The following IL4I1 variants were observed in gnomAD, a reference collection of about 807,000 sequenced individuals.
IL4I1 encodes interleukin 4 induced 1, also known as L-amino-acid oxidase.
Under a neutral mutation model 29.7 loss-of-function variants are expected in IL4I1, and 24 were observed. That is an observed-to-expected ratio of 0.81 (90% confidence interval 0.59 to 1.14). The LOEUF (loss-of-function observed/expected upper bound fraction) is 1.14, where lower values mean the gene tolerates loss of function less well. Among genes scored for constraint, IL4I1 ranks in the 50% most tolerant of loss-of-function variants. The pLI is 0.00. For synonymous variants in IL4I1, 371 were observed against 352.5 expected (o/e 1.05, Z -0.59); for missense variants, 686 against 785.6 (o/e 0.87, Z 1.52).
At chr19:49,924,812 T>C (rs992470823) in intron 2 of IL4I1, among the ~76,000 whole-genome samples, 24 of 152,282 alleles carry the variant, frequency 1.6e-4, no homozygotes, top group African/African-American at 5.5e-4. Flanking sequence ...CTGCTAAGTC[T>C]GGCTGGGCTG....
chr19:49,912,675 C>A (rs1440344803), intron 2 of IL4I1, among the ~76,000 whole-genome samples: 3 of 151,998 alleles, frequency 2.0e-5, no homozygotes, highest in African/African-American at 7.2e-5. Context: ...AACAGCCTGG[C>A]CAACATAGCG....
Position 49,893,845 on chromosome 19 carries a change from G to T in IL4I1, c.567+423C>A, listed in dbSNP as rs1197474614. 2.6e-5 allele frequency among the ~76,000 whole-genome samples: 4 copies of T among 151,932 alleles called. No homozygotes were observed. The East Asian group carries it at 5.8e-4, about 22-fold the overall frequency. On this transcript the variant is annotated intron_variant, in intron 5 of 7. Coordinates refer to ENST00000391826, the MANE Select transcript of IL4I1 (RefSeq NM_152899.2). Reference sequence around the variant, plus strand: ...CTATTAAAAATACAAAAATTAGCTGGGCGTGGTGGCGGGCGCCTGTAATCC... The same window carrying T: ...CTATTAAAAATACAAAAATTAGCTGTGCGTGGTGGCGGGCGCCTGTAATCC...
chr19:49,907,060 T>C (rs2075336654), intron 2 of IL4I1: 1 of 155,754 alleles, frequency 6.4e-6, no homozygotes, highest in African/African-American at 2.4e-5. Context: ...GGACTGACGT[T>C]ACACTGGGCT....
At chr19:49,907,528 T>C (rs1218013768) in intron 2 of IL4I1, 3 of 419,914 alleles carry the variant, frequency 7.1e-6, no homozygotes, top group Admixed American at 3.0e-5. Flanking sequence ...TGCTGTCTCC[T>C]GGGAGTTTCT....
Position 49,894,266 on chromosome 19 carries a change from A to G in IL4I1, c.567+2T>C. ...CGGGAGGAGGGTGCAGGCGGTACCC[A>G]CCTGGTTGAGAGCCATCTGGTAGAT... On this transcript the variant is annotated splice_donor_variant, in intron 5 of 7. Transcript: ENST00000391826. LOFTEE classifies it high-confidence loss of function. 2 of 1,612,812 alleles carry G rather than the reference A, an allele frequency of 1.2e-6. No homozygotes were observed. The highest frequency in any genetic ancestry group is 1.1e-5 in the South Asian group (1 of 90,802).
chr19:49,898,095 C>T (rs970210403), upstream of IL4I1, among the ~76,000 whole-genome samples: 28 of 152,018 alleles, frequency 1.8e-4, 1 homozygote, highest in Admixed American at 5.2e-4. Context: ...TCGAGGCAGG[C>T]GGATCACCTG....
At chr19:49,918,475 C>T (rs1346178079) in intron 2 of IL4I1, 1 of 152,250 alleles carries the variant, frequency 6.6e-6, no homozygotes, top group Non-Finnish European at 1.5e-5. Flanking sequence ...CAGGTATCCC[C>T]AATAGTAGGG....
At chr19:49,894,538 G>A (rs1297084101) in intron 4 of IL4I1, 69 bp from the exon 5 acceptor site, 16 of 1,021,192 alleles carry the variant, frequency 1.6e-5, no homozygotes, top group Non-Finnish European at 2.2e-5. Context: ...GTGGGACTTG[G>A]AGAAGAGGGG....
chr19:49,904,869 C>T (rs1274404305), intron 2 of IL4I1, among the ~76,000 whole-genome samples: 2 of 152,038 alleles, frequency 1.3e-5, no homozygotes, highest in Non-Finnish European at 2.9e-5. Context: ...GCCACCACAC[C>T]CGGCTAATTT....
chr19:49,891,718 C>T (rs1163211472), intron 5 of IL4I1, among the ~76,000 whole-genome samples: 2 of 152,228 alleles, frequency 1.3e-5, no homozygotes, highest in African/African-American at 4.8e-5. Context: ...TTCGGCTGGC[C>T]CGGCTGGTCA....
At chr19:49,899,405 G>A (rs1280775993), upstream of IL4I1, among the ~76,000 whole-genome samples, 2 of 152,124 alleles carry the variant, frequency 1.3e-5, no homozygotes, top group Non-Finnish European at 2.9e-5. Context: ...TGTTTTGAGA[G>A]ATGGGGTCTT....
chr19:49,891,359 C>T (rs1190222922), intron 6 of IL4I1, 46 bp downstream of exon 6: 1 of 1,592,756 alleles, frequency 6.3e-7, no homozygotes, highest in African/African-American at 1.3e-5. Flanking sequence ...GCCTCATGGT[C>T]ACTCTCTTTG....
Position 49,891,131 on chromosome 19 carries a change from G to A in IL4I1, c.637-24C>T, listed in dbSNP as rs527778517. On this transcript the variant is annotated intron_variant, in intron 6 of 7. Coordinates refer to ENST00000391826, the MANE Select transcript of IL4I1 (RefSeq NM_152899.2). ...TCCTGCAGGTTGGGCACAGGCCGAG[G>A]TTAGGGCCCAGGCAGGCTGCACCCC... 3.7e-6 allele frequency: 6 copies of A among 1,607,142 alleles called. No individual in the cohort carries two copies. In the African/African-American group the frequency reaches 8.0e-5, roughly 22 times the overall value.
chr19:49,896,215 C>T (rs1306426186), intron 1 of IL4I1, 33 bp from the exon 2 acceptor site: 2 of 1,481,370 alleles, frequency 1.4e-6, no homozygotes, highest in East Asian at 2.5e-5. Flanking sequence ...GCTGTTGTGA[C>T]TGAGGCCTGT....
chr19:49,905,619 G>A (rs753512077), intron 2 of IL4I1, among the ~76,000 whole-genome samples: 18 of 152,140 alleles, frequency 1.2e-4, no homozygotes, highest in Non-Finnish European at 2.2e-4. Flanking sequence ...TATTTGAGAC[G>A]AAGTTTCGCT....
chr19:49,895,016 G>C, intron 4 of IL4I1, 52 bp downstream of exon 4: 1 of 1,395,706 alleles, frequency 7.2e-7, no homozygotes. Flanking sequence ...TGGGCATGGA[G>C]CTGGGGGGCT....
Position 49,890,227 on chromosome 19 carries a change from T to C in IL4I1, c.1147A>G (p.Ile383Val). Residue 383 changes from isoleucine to valine, a missense_variant, in exon 8 of 8, where the codon ATT becomes GTT. Ile to Val is a conservative substitution (Grantham distance 29). Transcript: ENST00000391826. ...CCCTCGCGCGGCGGCGGGTAGAAAA[T>C]CATGCGCGACGGGCGATCGGTGTTT... ...HSNTDRPSRM[I>V]FYPPPREGAL... 6.4e-7 allele frequency: 1 copy of C among 1,555,614 alleles called. No individual in the cohort carries two copies. Among genetic ancestry groups the C allele is most frequent in the Non-Finnish European group, 8.7e-7 (1 of 1,149,842 alleles).
upstream of IL4I1, among the ~76,000 whole-genome samples, chr19:49,901,274 C>G (rs1035923569): frequency 6.6e-6 from 1 of 152,208 alleles, no homozygotes; most frequent in Non-Finnish European, 1.5e-5. Context: ...ATCCCAGCTA[C>G]TCAGGATCCT....
In IL4I1 at chr19:49,909,769, T is replaced by G. The variant is rs755335400; in HGVS notation, c.-227-5448A>C. ...TTGCAGTGCCAAACGTGAACCCGCC[T>G]GTAGGGGCCCCAGTGCCTCCAAAAT... On this transcript the variant is annotated intron_variant, in intron 2 of 9. Coordinates refer to the IL4I1 transcript ENST00000341114. 23 of 1,614,042 alleles carry G rather than the reference T, an allele frequency of 1.4e-5. No individual in the cohort carries two copies. The East Asian group carries it at 5.1e-4, about 36-fold the overall frequency.
Sources: gnomAD v4.1 joint callset for allele counts (sites outside exome capture counted in the v4.1 genomes callset) on GRCh38, gnomAD v4.1.1 for gene constraint, MANE v1.5 for transcripts, NCBI Gene and HGNC (gene_info 2026-07-23, HGNC 2026-07-21) for gene names.